FRAS1: variants seen among roughly 807,000 people sequenced by gnomAD.
The protein encoded by FRAS1 is extracellular matrix organizing protein FRAS1.
FRAS1 carries 290 observed loss-of-function variants against 435.2 expected under a neutral mutation model. The ratio of observed to expected loss-of-function variants is 0.67; its 90% CI spans 0.61 to 0.73. The LOEUF (loss-of-function observed/expected upper bound fraction) is 0.73, where lower values mean the gene tolerates loss of function less well. Among genes scored for constraint, FRAS1 ranks in the 30% least tolerant of loss-of-function variants. FRAS1 has a pLI of 0.00. For missense variants in FRAS1, 4,860 were observed against 5,001.5 expected (o/e 0.97, Z 0.85); for synonymous variants, 1,800 against 1,851.0 (o/e 0.97, Z 0.71).
chr4:78,497,178 T>C (rs966877971), intron 60 of FRAS1, among the ~76,000 whole-genome samples: 5 of 152,142 alleles, frequency 3.3e-5, no homozygotes, highest in Admixed American at 6.6e-5. Context: ...CCTACCACAG[T>C]GCTAGGAGAT....
Position 78,255,258 on chromosome 4 carries a change from A to T in FRAS1, c.486A>T (p.Glu162Asp). 1 of 1,552,572 alleles carries T rather than the reference A, an allele frequency of 6.4e-7. No homozygotes were observed. Among genetic ancestry groups the T allele is most frequent in the Non-Finnish European group, 8.7e-7 (1 of 1,147,338 alleles). Residue 162 changes from glutamate to aspartate, a missense_variant, in exon 6 of 74, where the codon GAA (glutamate) becomes GAT (aspartate). Coordinates refer to ENST00000512123, the MANE Select transcript of FRAS1 (RefSeq NM_025074.7). ...CVGLGKPCSY[E>D]GHVFQDGEDW... Reference sequence around the variant, plus strand: ...ACCTTCCAGAACCCTGTTCCTATGAAGGCCATGTGTTTCAGGATGGGGAGG... The same window carrying T: ...ACCTTCCAGAACCCTGTTCCTATGATGGCCATGTGTTTCAGGATGGGGAGG...
rs139364035 is a variant in FRAS1 at position 78,367,745 on chromosome 4, T to C, written c.2723-2093T>C. ...GCGGGACTTTTCTTAGAGTTCTGCT[T>C]ATTTCACTTGGTTACTGTAGGTTCA... On this transcript the variant is annotated intron_variant, in intron 22 of 73. Transcript: ENST00000512123. Among the ~76,000 whole-genome samples, 333 of 152,340 alleles carry C rather than the reference T, an allele frequency of 2.2e-3. 1 individual carries two copies. The highest frequency in any genetic ancestry group is 7.7e-3 in the African/African-American group (320 of 41,574).
chr4:78,409,964 A>T (rs1733268902), intron 31 of FRAS1, among the ~76,000 whole-genome samples: 1 of 152,220 alleles, frequency 6.6e-6, no homozygotes, highest in East Asian at 1.9e-4. Context: ...GGAAACCATT[A>T]AAATGAGATT....
At chr4:78,193,774 TA>T (rs1386375216) in intron 2 of FRAS1, among the ~76,000 whole-genome samples, 2 of 152,190 alleles carry the variant, frequency 1.3e-5, no homozygotes, top group African/African-American at 2.4e-5. Flanking sequence ...CATTTACATT[TA>T]AGGTTAATAT....
rs1251332123 is a variant in FRAS1, at chr4:78,067,713, TTG to T, written c.108+1699_108+1700del. Among the ~76,000 whole-genome samples, 71 of 148,078 alleles carry T rather than the reference TTG, an allele frequency of 4.8e-4. No homozygotes were observed. In the Middle Eastern group the frequency reaches 0.011, roughly 22 times the overall value. On this transcript the variant is annotated intron_variant, in intron 2 of 73. Coordinates refer to ENST00000512123, the MANE Select transcript of FRAS1 (RefSeq NM_025074.7). ...TTATTATTATTATTATTATTATTAT[TTG>T]TAAGATAGGGTCTCGCTCTGTCACC...
intron 2 of FRAS1, among the ~76,000 whole-genome samples, chr4:78,210,901 A>G (rs75752358): frequency 0.019 from 2,912 of 152,246 alleles, 100 homozygotes; most frequent in African/African-American, 0.067. Flanking sequence ...CTGGTTGTGC[A>G]ATGTGGGGAG....
rs7682977 is a variant in FRAS1 at position 78,515,773 on chromosome 4, G to A, written c.10175-26G>A. 2,601 of 1,607,998 alleles carry A rather than the reference G, an allele frequency of 1.6e-3. 44 individuals are homozygous for A. In the African/African-American group the frequency reaches 0.031, roughly 19 times the overall value. On this transcript the variant is annotated intron_variant, in intron 65 of 73. Transcript: ENST00000512123. ...CTTGGCATCCACAAACCAAGTTATC[G>A]TTCCTTGTTCTTCCCTCCCTGGCAG...
At chr4:78,530,144 G>C (rs892181081) in intron 70 of FRAS1, among the ~76,000 whole-genome samples, 5 of 151,958 alleles carry the variant, frequency 3.3e-5, no homozygotes, top group African/African-American at 1.2e-4. Context: ...CTATTACAAA[G>C]AAAATTCTTA....
intron 19 of FRAS1, 107 bp downstream of exon 19, chr4:78,333,519 A>G (rs1730029961): frequency 3.3e-6 from 4 of 1,196,992 alleles, no homozygotes; most frequent in South Asian, 1.5e-5. Context: ...ACTAAGATTC[A>G]GCTGTAAATC....
At chr4:78,473,650 G>A in intron 53 of FRAS1, 53 bp downstream of exon 53, 1 of 1,449,652 alleles carries the variant, frequency 6.9e-7, no homozygotes, top group Non-Finnish European at 9.4e-7. Context: ...GCAAGCAGAG[G>A]GAGTCAGGAT....
chr4:78,249,048 G>GATAT (rs1268017507), intron 4 of FRAS1, among the ~76,000 whole-genome samples: 1 of 27,544 alleles, frequency 3.6e-5, no homozygotes, highest in East Asian at 1.3e-3. Flanking sequence ...AAGAACTACT[G>GATAT]ATATATATAT....
At chr4:78,294,188 CTTG>C (rs1194781775) in intron 14 of FRAS1, among the ~76,000 whole-genome samples, 1 of 152,206 alleles carries the variant, frequency 6.6e-6, no homozygotes, top group African/African-American at 2.4e-5. Flanking sequence ...ACAGCACCTC[CTTG>C]TTGTTGCTGC....
intron 53 of FRAS1, among the ~76,000 whole-genome samples, chr4:78,474,189 C>A (rs935127677): frequency 2.0e-5 from 3 of 152,152 alleles, no homozygotes; most frequent in African/African-American, 7.2e-5. Context: ...AAATGCATGG[C>A]TTAATGTGGA....
intron 2 of FRAS1, among the ~76,000 whole-genome samples, chr4:78,154,228 G>A (rs1392141210): frequency 1.3e-5 from 2 of 151,974 alleles, no homozygotes; most frequent in African/African-American, 4.8e-5. Flanking sequence ...GTCTTGAGTT[G>A]TGTTTCATGG....
At chr4:78,130,053 A>T (rs1165179295) in intron 2 of FRAS1, among the ~76,000 whole-genome samples, 1 of 152,166 alleles carries the variant, frequency 6.6e-6, no homozygotes, top group Non-Finnish European at 1.5e-5. Flanking sequence ...ATCTTCAAAC[A>T]AAACTTTGCC....
In FRAS1 at chr4:78,513,411, A is replaced by T; in HGVS notation, c.10033A>T (p.Ile3345Phe). The T allele has an allele frequency of 6.2e-7, 1 of 1,613,876 alleles. No individual in the cohort carries two copies. The highest frequency in any genetic ancestry group is 1.1e-5 in the South Asian group (1 of 91,056). Residue 3345 changes from isoleucine to phenylalanine, a missense_variant, in exon 65 of 74, where the codon ATC becomes TTC. Physicochemically the swap from Ile to Phe is conservative, Grantham distance 21. Transcript: ENST00000512123. ...HPNRIHISVQ[I>F]PHQDGMLPLI... Reference sequence around the variant, plus strand: ...CCCTAGAATCCACATTTCGGTGCAGATCCCACACCAGGATGGAATGCTGCC... The same window carrying T: ...CCCTAGAATCCACATTTCGGTGCAGTTCCCACACCAGGATGGAATGCTGCC...
At position 78,099,145 on chromosome 4, in the gene FRAS1, GA is replaced by G. The variant is rs369877587; in HGVS notation, c.108+33130del. 9.5e-4 allele frequency among the ~76,000 whole-genome samples: 145 copies of G among 152,326 alleles called. 1 individual carries two copies. In the East Asian group the frequency reaches 0.014, roughly 15 times the overall value. On this transcript the variant is annotated intron_variant, in intron 2 of 73. Coordinates refer to ENST00000512123, the MANE Select transcript of FRAS1 (RefSeq NM_025074.7). ...GCCTAGGTCTCAGCTTTAGAGAGGAGAGGGGGGGCCATGGGGTGATCGAGGA... is the reference window on the plus strand; with the variant it reads ...GCCTAGGTCTCAGCTTTAGAGAGGAGGGGGGGGCCATGGGGTGATCGAGGA...
chr4:78,459,084 AAAT>A (rs1490719676), intron 47 of FRAS1, among the ~76,000 whole-genome samples: 1 of 152,228 alleles, frequency 6.6e-6, no homozygotes, highest in African/African-American at 2.4e-5. Flanking sequence ...ATGTGTTTAA[AAAT>A]AATGATGCCT....
At chr4:78,275,547 A>G (rs1726966094) in intron 9 of FRAS1, among the ~76,000 whole-genome samples, 1 of 152,176 alleles carries the variant, frequency 6.6e-6, no homozygotes, top group African/African-American at 2.4e-5. Context: ...TTGTCTCTAA[A>G]GGATTTTATT....
Sources: allele counts gnomAD v4.1 joint callset (sites outside exome capture counted in the v4.1 genomes callset), GRCh38; gene constraint gnomAD v4.1.1; transcripts MANE v1.5; gene names NCBI Gene and HGNC (gene_info 2026-07-23, HGNC 2026-07-21).